The following FRAS1 variants were observed in gnomAD, a reference collection of about 807,000 sequenced individuals.
The protein encoded by FRAS1 is extracellular matrix organizing protein FRAS1.
A neutral mutation model predicts 435.2 loss-of-function variants in FRAS1; 290 were observed. That is an observed-to-expected ratio of 0.67 (90% CI 0.61 to 0.73). The LOEUF (loss-of-function observed/expected upper bound fraction) is 0.73, where lower values mean the gene tolerates loss of function less well. Ranked by LOEUF, FRAS1 falls within the 30% of genes least tolerant of loss-of-function variation. FRAS1 has a pLI of 0.00. For missense variants in FRAS1, 4,860 were observed against 5,001.5 expected (o/e 0.97, Z 0.85); for synonymous variants, 1,800 against 1,851.0 (o/e 0.97, Z 0.71).
intron 29 of FRAS1, among the ~76,000 whole-genome samples, chr4:78,391,361 G>T (rs7677395): frequency 0.24 from 36,353 of 152,116 alleles, 4,712 homozygotes; most frequent in Admixed American, 0.3. Flanking sequence ...GGAGGCAAAA[G>T]AATTAAAACA....
chr4:78,440,170 A>G (rs1734600986), intron 40 of FRAS1, among the ~76,000 whole-genome samples: 1 of 151,200 alleles, frequency 6.6e-6, no homozygotes, highest in Non-Finnish European at 1.5e-5. Flanking sequence ...AGCTGGGACT[A>G]CAGGCGCCCG....
At chr4:78,317,289 G>A in intron 16 of FRAS1, 79 bp from the exon 17 acceptor site, 1 of 1,527,178 alleles carries the variant, frequency 6.5e-7, no homozygotes, top group Non-Finnish European at 9.0e-7. Context: ...AGAGTCCCAG[G>A]CCCGTGAAGC....
chr4:78,531,324 C>T (rs764088107), intron 70 of FRAS1, among the ~76,000 whole-genome samples: 6 of 152,100 alleles, frequency 3.9e-5, no homozygotes, highest in Non-Finnish European at 7.4e-5. Context: ...ATTTGAGTAC[C>T]CTTTATTTCT....
chr4:78,513,258 A>G, intron 64 of FRAS1, 134 bp from the exon 65 acceptor site: 1 of 772,298 alleles, frequency 1.3e-6, no homozygotes, highest in Non-Finnish European at 2.1e-6. Flanking sequence ...TAGAAATCCT[A>G]CCTGGAAAGC....
At chr4:78,430,267 C>G in intron 36 of FRAS1, 25 bp from the exon 37 acceptor site, 2 of 1,613,586 alleles carry the variant, frequency 1.2e-6, no homozygotes, top group South Asian at 1.1e-5. Flanking sequence ...TTCTCTCTCA[C>G]CACGCTTCCT....
intron 2 of FRAS1, among the ~76,000 whole-genome samples, chr4:78,227,539 T>C (rs1724328774): frequency 6.6e-6 from 1 of 152,212 alleles, no homozygotes; most frequent in African/African-American, 2.4e-5. Context: ...CTTTACCTAA[T>C]TGAATGTGAG....
intron 2 of FRAS1, among the ~76,000 whole-genome samples, chr4:78,113,499 G>A (rs1371813313): frequency 6.6e-6 from 1 of 152,106 alleles, no homozygotes; most frequent in African/African-American, 2.4e-5. Flanking sequence ...GTTGTTTCCT[G>A]ACTTTTTAAT....
At chr4:78,336,592 G>T (rs1052322204) in intron 19 of FRAS1, among the ~76,000 whole-genome samples, 19 of 152,100 alleles carry the variant, frequency 1.2e-4, no homozygotes, top group African/African-American at 4.6e-4. Context: ...ATGTAGGAGG[G>T]GTGAGAGTGC....
chr4:78,106,319 CA>C (rs1304811518), intron 2 of FRAS1, among the ~76,000 whole-genome samples: 1 of 72,562 alleles, frequency 1.4e-5, no homozygotes, highest in African/African-American at 5.4e-5. Context: ...AAAAAGACAG[CA>C]GTAACCTCTG....
chr4:78,278,200 T>C (rs1727156529), intron 9 of FRAS1, among the ~76,000 whole-genome samples: 1 of 152,228 alleles, frequency 6.6e-6, no homozygotes, highest in Non-Finnish European at 1.5e-5. Context: ...AATTTATGCT[T>C]AAGACTACAT....
In FRAS1 at chr4:78,113,071, T is replaced by A. The variant is rs1742854164; in HGVS notation, c.108+47055T>A. Among the ~76,000 whole-genome samples the A allele has an allele frequency of 2.0e-5, 3 of 152,288 alleles. No homozygotes were observed. In the South Asian group the frequency reaches 6.2e-4, roughly 32 times the overall value. ...CAATTCCCACCTATGAGTGAGAACA[T>A]GCGGTGTTTGGTTTTTCATCCTTGC... On this transcript the variant is annotated intron_variant, in intron 2 of 73. Coordinates refer to ENST00000512123, the MANE Select transcript of FRAS1 (RefSeq NM_025074.7).
At chr4:78,077,197 A>AACACAC (rs10535451) in intron 2 of FRAS1, among the ~76,000 whole-genome samples, 15,150 of 149,960 alleles carry the variant, frequency 0.1, 812 homozygotes, top group Middle Eastern at 0.18. Context: ...GACACACAGA[A>AACACAC]ACACACACAC....
chr4:78,500,236 C>T (rs2109874669), intron 61 of FRAS1, among the ~76,000 whole-genome samples: 1 of 152,286 alleles, frequency 6.6e-6, no homozygotes, highest in Admixed American at 6.5e-5. Flanking sequence ...TAACTGGCAC[C>T]ATTCAACAAA....
At chr4:78,184,174 A>G (rs1387907835) in intron 2 of FRAS1, among the ~76,000 whole-genome samples, 3 of 152,128 alleles carry the variant, frequency 2.0e-5, no homozygotes, top group African/African-American at 7.2e-5. Flanking sequence ...AGGTAATTAT[A>G]CCCCAGATCA....
In FRAS1 at chr4:78,496,803, A is replaced by G. The variant is rs983073692; in HGVS notation, c.8959-2A>G. 3 of 1,610,748 alleles carry G rather than the reference A, an allele frequency of 1.9e-6. No homozygotes were observed. The highest frequency in any genetic ancestry group is 2.5e-6 in the Non-Finnish European group (3 of 1,178,772). ...TAATCTGTCTTGTGCCATTGGCTCT[A>G]GGTGAAGAACTGTACGGTCTATATC... On this transcript the variant is annotated splice_acceptor_variant, in intron 59 of 73. Transcript: ENST00000512123. LOFTEE classifies it high-confidence loss of function.
chr4:78,191,891 A>G (rs970161653), intron 2 of FRAS1, among the ~76,000 whole-genome samples: 16 of 152,172 alleles, frequency 1.1e-4, no homozygotes, highest in African/African-American at 3.9e-4. Context: ...TTATGGCTGT[A>G]TAGTATTCCA....
intron 6 of FRAS1, among the ~76,000 whole-genome samples, chr4:78,262,844 G>A (rs1256452751): frequency 1.3e-5 from 2 of 152,202 alleles, no homozygotes; most frequent in Admixed American, 6.5e-5. Flanking sequence ...CCTAGGGTTG[G>A]CAAACTTTTT....
chr4:78,369,366 A>C (rs781302583), intron 22 of FRAS1, among the ~76,000 whole-genome samples: 1 of 152,220 alleles, frequency 6.6e-6, no homozygotes, highest in Non-Finnish European at 1.5e-5. Flanking sequence ...AGGCAAATCA[A>C]TAAACCAGTT....
chr4:78,366,263 A>G (rs1040051297), intron 22 of FRAS1, among the ~76,000 whole-genome samples: 5 of 152,214 alleles, frequency 3.3e-5, no homozygotes, highest in African/African-American at 1.2e-4. Flanking sequence ...GAGTACTTGA[A>G]ACCATAGTGC....
Sources: allele counts gnomAD v4.1 joint callset (sites outside exome capture counted in the v4.1 genomes callset), GRCh38; gene constraint gnomAD v4.1.1; transcripts MANE v1.5; gene names NCBI Gene and HGNC (gene_info 2026-07-23, HGNC 2026-07-21).